The following TRIO variants were observed in gnomAD, a reference collection of about 807,000 sequenced individuals.
TRIO encodes the protein triple functional domain protein.
Under a neutral mutation model 351.9 loss-of-function variants are expected in TRIO, and 58 were observed. The observed-to-expected ratio is 0.16, with a 90% CI of 0.13 to 0.21. TRIO has a LOEUF of 0.21. Ranked by LOEUF, TRIO falls within the 10% of genes least tolerant of loss-of-function variation. The probability of loss-of-function intolerance (pLI) is 1.00; values close to 1 mark genes in which losing one functional copy is unlikely to be tolerated. For missense variants in TRIO, 3,201 were observed against 4,027.8 expected (o/e 0.79, Z 5.56); for synonymous variants, 1,758 against 1,595.7 (o/e 1.10, Z -2.42).
chr5:14,194,256 T>A (rs988724504), intron 1 of TRIO, among the ~76,000 whole-genome samples: 2 of 152,180 alleles, frequency 1.3e-5, no homozygotes, highest in Admixed American at 1.3e-4. Context: ...TACAACTTGA[T>A]GTCTAAATAT....
chr5:14,405,402 C>T (rs936963672), intron 31 of TRIO, among the ~76,000 whole-genome samples: 2 of 152,168 alleles, frequency 1.3e-5, no homozygotes, highest in Admixed American at 6.5e-5. Flanking sequence ...GTGGCAGCTG[C>T]GCCGCTGTTC....
intron 29 of TRIO, among the ~76,000 whole-genome samples, chr5:14,397,608 A>G (rs2152372344): frequency 6.6e-6 from 1 of 152,340 alleles, no homozygotes; most frequent in South Asian, 2.1e-4. Flanking sequence ...AAAATTAGAT[A>G]AATATGTTTC....
At position 14,488,759 on chromosome 5, in the gene TRIO, C is replaced by T; in HGVS notation, c.7632+499C>T. ...CCCTCAAGAAAACTTCCAACAGCAA[C>T]TCAAAGCAAACTAAGATGAAAAAAT... On this transcript the variant is annotated intron_variant, in intron 48 of 56. Coordinates refer to ENST00000344204, the MANE Select transcript of TRIO (RefSeq NM_007118.4). 3 of 591,090 alleles carry T rather than the reference C, an allele frequency of 5.1e-6. No homozygotes were observed. In the South Asian group the frequency reaches 6.0e-5, roughly 12 times the overall value. The allele number at this position is 591,090 out of a possible 1,614,324, so 36.6% of individuals were successfully genotyped here. A position where few individuals can be genotyped will look rare whatever the true frequency, so the allele number is the denominator to read the frequency against.
In TRIO at chr5:14,216,039, T is replaced by C. The variant is rs190128644; in HGVS notation, c.158-54786T>C. Among the ~76,000 whole-genome samples, 13 of 152,336 alleles carry C rather than the reference T, an allele frequency of 8.5e-5. No homozygotes were observed. The East Asian group carries it at 2.5e-3, about 29-fold the overall frequency. On this transcript the variant is annotated intron_variant, in intron 1 of 56. Transcript: ENST00000344204. ...CTTGTCTGTAAATTAGAGGTAATCATGGTATCTACTTCTTAGCGTTCTTGT... is the reference window on the plus strand; with the variant it reads ...CTTGTCTGTAAATTAGAGGTAATCACGGTATCTACTTCTTAGCGTTCTTGT...
chr5:14,314,447 G>T (rs1383353347), intron 8 of TRIO, among the ~76,000 whole-genome samples: 1 of 152,196 alleles, frequency 6.6e-6, no homozygotes, highest in Non-Finnish European at 1.5e-5. Context: ...TGGCATCTTG[G>T]TGATGCGAGT....
chr5:14,451,264 C>G (rs1316053444), intron 34 of TRIO, among the ~76,000 whole-genome samples: 1 of 151,856 alleles, frequency 6.6e-6, no homozygotes, highest in Non-Finnish European at 1.5e-5. Flanking sequence ...GATTAACTTA[C>G]AGATTAACTC....
chr5:14,243,623 A>T (rs1302725763), intron 1 of TRIO, among the ~76,000 whole-genome samples: 1 of 152,214 alleles, frequency 6.6e-6, no homozygotes, highest in African/African-American at 2.4e-5. Flanking sequence ...ATTCCATAGG[A>T]GGGTATAAGC....
chr5:14,498,311 C>T, intron 52 of TRIO, 60 bp downstream of exon 52: 1 of 1,588,454 alleles, frequency 6.3e-7, no homozygotes, highest in Middle Eastern at 1.8e-4. Context: ...TGTCACTTGG[C>T]AACTGGAAAT....
At chr5:14,233,847 G>A (rs1793617897) in intron 1 of TRIO, among the ~76,000 whole-genome samples, 2 of 152,086 alleles carry the variant, frequency 1.3e-5, no homozygotes, top group South Asian at 2.1e-4. Context: ...TTAGAGTGGA[G>A]TAGCACAATT....
intron 47 of TRIO, among the ~76,000 whole-genome samples, chr5:14,485,496 A>G (rs538449732): frequency 2.6e-5 from 4 of 152,298 alleles, no homozygotes; most frequent in East Asian, 3.9e-4. Flanking sequence ...GAGTCCCACA[A>G]GTTGTTGAGG....
chr5:14,283,570 T>A (rs566923676), intron 3 of TRIO, among the ~76,000 whole-genome samples: 1 of 152,290 alleles, frequency 6.6e-6, no homozygotes, highest in South Asian at 2.1e-4. Context: ...ATTTTCTGAT[T>A]TCATATTCAC....
At chr5:14,246,925 C>T (rs1794473578) in intron 1 of TRIO, among the ~76,000 whole-genome samples, 1 of 152,240 alleles carries the variant, frequency 6.6e-6, no homozygotes, top group African/African-American at 2.4e-5. Flanking sequence ...CCTGGAGGTG[C>T]TCCCCTCTCC....
In TRIO at chr5:14,297,052, T is replaced by C; in HGVS notation, c.1177-20T>C. 6.2e-7 allele frequency: 1 copy of C among 1,600,568 alleles called. No individual in the cohort carries two copies. The highest frequency in any genetic ancestry group is 8.5e-7 in the Non-Finnish European group (1 of 1,169,856). ...ATTTGCTCTCCCCTAAGGAGCCCTC[T>C]TTTCCTGCCCACTTTCCAGAACGTG... On this transcript the variant is annotated intron_variant, in intron 6 of 56. Coordinates refer to ENST00000344204, the MANE Select transcript of TRIO (RefSeq NM_007118.4).
intron 1 of TRIO, among the ~76,000 whole-genome samples, chr5:14,155,163 T>C (rs1788036060): frequency 6.6e-6 from 1 of 152,204 alleles, no homozygotes; most frequent in South Asian, 2.1e-4. Context: ...CTCATCATGC[T>C]CAAAGAAGCA....
At position 14,490,817 on chromosome 5, in the gene TRIO, A is replaced by G. The variant is rs760454675; in HGVS notation, c.7633-1750A>G. 5.9e-5 allele frequency: 27 copies of G among 456,014 alleles called. No individual in the cohort carries two copies. The East Asian group carries it at 1.0e-3, about 18-fold the overall frequency. The allele number at this position is 456,014 out of a possible 1,614,324, so 28.2% of individuals were successfully genotyped here. On this transcript the variant is annotated intron_variant, in intron 48 of 56. Transcript: ENST00000344204. Reference sequence around the variant, plus strand: ...ATATTACCAAAAGCAGCTGTGCTGCAGAAGTTGTTTTTTGTTTACATATTC... The same window carrying G: ...ATATTACCAAAAGCAGCTGTGCTGCGGAAGTTGTTTTTTGTTTACATATTC...
chr5:14,175,551 G>A (rs1048996826), intron 1 of TRIO, among the ~76,000 whole-genome samples: 2 of 152,128 alleles, frequency 1.3e-5, no homozygotes, highest in Admixed American at 1.3e-4. Flanking sequence ...CTAGATCTGG[G>A]AACATAACCC....
At chr5:14,157,728 G>A (rs889109763) in intron 1 of TRIO, among the ~76,000 whole-genome samples, 4 of 152,076 alleles carry the variant, frequency 2.6e-5, no homozygotes, top group African/African-American at 9.7e-5. Flanking sequence ...GAGACTTTGA[G>A]CATGTGCCAC....
At chr5:14,492,835 G>A (rs765727459) in intron 49 of TRIO, 21 bp downstream of exon 49, 5 of 1,607,774 alleles carry the variant, frequency 3.1e-6, no homozygotes, top group Non-Finnish European at 3.4e-6. Context: ...GACAGTAACG[G>A]CGTCCTGGCA....
At chr5:14,156,388 C>G (rs951478992) in intron 1 of TRIO, among the ~76,000 whole-genome samples, 1 of 152,146 alleles carries the variant, frequency 6.6e-6, no homozygotes, top group Non-Finnish European at 1.5e-5. Context: ...TTTAGGGCCT[C>G]TCAGTAGACA....
Sources: gnomAD v4.1 joint callset for allele counts (sites outside exome capture counted in the v4.1 genomes callset) on GRCh38, gnomAD v4.1.1 for gene constraint, MANE v1.5 for transcripts, NCBI Gene and HGNC (gene_info 2026-07-23, HGNC 2026-07-21) for gene names.